Variants in AOAH observed in about 807,000 individuals in gnomAD.
AOAH encodes acyloxyacyl hydrolase, also known as acyloxyacyl hydrolase (neutrophil).
In AOAH, 64 loss-of-function variants were observed where a neutral mutation model predicts 92.2. The observed-to-expected ratio is 0.69, with a 90% CI of 0.57 to 0.86. The LOEUF (loss-of-function observed/expected upper bound fraction) is 0.86. AOAH is among the 40% of genes least tolerant of loss of function. AOAH has a pLI of 0.00. For missense variants in AOAH, 656 were observed against 694.6 expected, an observed-to-expected ratio of 0.94 and a Z score of 0.62; for synonymous variants, 263 against 254.5, an observed-to-expected ratio of 1.03 and a Z score of -0.32.
Position 36,622,162 on chromosome 7 carries a change from T to C in AOAH, c.583-382A>G, listed in dbSNP as rs144772676. The stretch of plus-strand genomic sequence containing the variant: ...TGTTTATGTGTATTCATATTGTAGA[T>C]GTGTGTGCATGTACACACGTGTGTT... On this transcript the variant is annotated intron_variant, in intron 7 of 20. Transcript: ENST00000617537. 3.9e-3 allele frequency among the ~76,000 whole-genome samples: 593 copies of C among 152,250 alleles called. 1 individual carries two copies. Among genetic ancestry groups the C allele is most frequent in the African/African-American group, 0.014 (571 of 41,540 alleles).
At chr7:36,688,865 C>T (rs10224287) in intron 1 of AOAH, among the ~76,000 whole-genome samples, 2 of 151,518 alleles carry the variant, frequency 1.3e-5, no homozygotes, top group Non-Finnish European at 2.9e-5. Context: ...ATATGTGTAT[C>T]TATACACATG....
At chr7:36,532,687 C>T (rs548437966) in intron 16 of AOAH, among the ~76,000 whole-genome samples, 1 of 152,270 alleles carries the variant, frequency 6.6e-6, no homozygotes, top group East Asian at 1.9e-4. Context: ...TTGGATAAAG[C>T]CCTTTAAGAG....
At chr7:36,607,866 T>A (rs1228728555) in intron 11 of AOAH, among the ~76,000 whole-genome samples, 1 of 152,134 alleles carries the variant, frequency 6.6e-6, no homozygotes, top group African/African-American at 2.4e-5. Flanking sequence ...AAAGCTGACT[T>A]TCTATAATGA....
intron 20 of AOAH, among the ~76,000 whole-genome samples, chr7:36,520,196 C>T (rs1396386925): frequency 6.6e-6 from 1 of 152,166 alleles, no homozygotes; most frequent in Non-Finnish European, 1.5e-5. Context: ...CTTTGAACCC[C>T]AAGATCATTT....
At chr7:36,680,879 G>C (rs62445913) in intron 2 of AOAH, among the ~76,000 whole-genome samples, 1 of 152,168 alleles carries the variant, frequency 6.6e-6, no homozygotes, top group Non-Finnish European at 1.5e-5. Context: ...CACTTCACCA[G>C]AATCTGACTT....
At chr7:36,652,122 A>G (rs1470010137) in intron 4 of AOAH, among the ~76,000 whole-genome samples, 2 of 152,154 alleles carry the variant, frequency 1.3e-5, no homozygotes, top group Non-Finnish European at 2.9e-5. Context: ...ATTCAAGGAC[A>G]GGGGCAGAAG....
At chr7:36,558,346 G>A (rs1053044256) in intron 13 of AOAH, among the ~76,000 whole-genome samples, 11 of 152,218 alleles carry the variant, frequency 7.2e-5, no homozygotes, top group African/African-American at 2.7e-4. Flanking sequence ...TCCTCTGGAA[G>A]TTTTGTCTCA....
intron 1 of AOAH, among the ~76,000 whole-genome samples, chr7:36,712,574 G>A (rs1251833132): frequency 6.6e-6 from 1 of 152,114 alleles, no homozygotes; most frequent in Non-Finnish European, 1.5e-5. Flanking sequence ...GCCTGTTCAA[G>A]CATAGTCGAC....
chr7:36,700,788 T>G (rs1797984216), intron 1 of AOAH, among the ~76,000 whole-genome samples: 1 of 152,140 alleles, frequency 6.6e-6, no homozygotes. Context: ...TGTACTAATT[T>G]GCATTCCCAC....
At chr7:36,717,094 C>A (rs1799253295) in intron 1 of AOAH, among the ~76,000 whole-genome samples, 1 of 152,092 alleles carries the variant, frequency 6.6e-6, no homozygotes. Context: ...ATATGGTAAA[C>A]TGGGGAAGGG....
intron 6 of AOAH, among the ~76,000 whole-genome samples, chr7:36,630,393 A>G (rs1271924202): frequency 1.3e-5 from 2 of 152,220 alleles, no homozygotes; most frequent in African/African-American, 4.8e-5. Flanking sequence ...AGGAAGAGTA[A>G]AAGAAGCAGG....
intron 11 of AOAH, chr7:36,598,007 T>A (rs536652265): frequency 6.6e-6 from 1 of 152,212 alleles, no homozygotes; most frequent in South Asian, 2.1e-4. Flanking sequence ...GAACTTCTTG[T>A]CTTCAGTGGC....
intron 1 of AOAH, among the ~76,000 whole-genome samples, chr7:36,714,291 T>G (rs1353820701): frequency 6.6e-6 from 1 of 152,100 alleles, no homozygotes; most frequent in African/African-American, 2.4e-5. Context: ...AAGTTGAATC[T>G]CTTAATAGAC....
At chr7:36,637,402 C>G (rs910377297) in intron 5 of AOAH, among the ~76,000 whole-genome samples, 2 of 152,144 alleles carry the variant, frequency 1.3e-5, no homozygotes, top group Non-Finnish European at 2.9e-5. Context: ...AGTGGAGAAG[C>G]AGGAGGATAC....
chr7:36,632,762 GGA>G, intron 5 of AOAH, among the ~76,000 whole-genome samples: 2 of 152,322 alleles, frequency 1.3e-5, no homozygotes, highest in East Asian at 3.9e-4. Flanking sequence ...ATCAATGAAG[GGA>G]GAGAGACACT....
chr7:36,536,908 C>T (rs1785094614), intron 16 of AOAH, among the ~76,000 whole-genome samples: 1 of 133,024 alleles, frequency 7.5e-6, no homozygotes, highest in Non-Finnish European at 1.5e-5. Flanking sequence ...TATGATCGCA[C>T]CACTGCATTC....
chr7:36,721,342 C>T (rs1007521597), intron 1 of AOAH, among the ~76,000 whole-genome samples: 7 of 152,136 alleles, frequency 4.6e-5, no homozygotes, highest in Admixed American at 2.6e-4. Flanking sequence ...CAGCACAGCC[C>T]GGCTTCTCTC....
chr7:36,701,551 C>A (rs1008937177), intron 1 of AOAH, among the ~76,000 whole-genome samples: 4 of 150,544 alleles, frequency 2.7e-5, no homozygotes, highest in Non-Finnish European at 5.9e-5. Flanking sequence ...TGAAATATAC[C>A]TTTTTGTTTT....
chr7:36,580,406 T>C (rs1788848691), intron 12 of AOAH, among the ~76,000 whole-genome samples: 1 of 152,206 alleles, frequency 6.6e-6, no homozygotes, highest in South Asian at 2.1e-4. Flanking sequence ...TTAATTTTAA[T>C]GTTCTTGTTT....
Sources: allele counts gnomAD v4.1 joint callset (sites outside exome capture counted in the v4.1 genomes callset), GRCh38; gene constraint gnomAD v4.1.1; transcripts MANE v1.5; gene names NCBI Gene and HGNC (gene_info 2026-07-23, HGNC 2026-07-21).